Variants in HTT observed in about 807,000 individuals in gnomAD.
The protein encoded by HTT is huntington disease protein.
A neutral mutation model predicts 362.3 loss-of-function variants in HTT; 104 were observed. The observed-to-expected ratio is 0.29, with a 90% CI of 0.24 to 0.34. The LOEUF (loss-of-function observed/expected upper bound fraction) is 0.34, where lower values mean the gene tolerates loss of function less well. HTT is among the 10% of genes least tolerant of loss of function. The probability of loss-of-function intolerance (pLI) is 1.00; values close to 1 mark genes in which losing one functional copy is unlikely to be tolerated. For synonymous variants in HTT, 1,577 were observed against 1,548.7 expected, an observed-to-expected ratio of 1.02 and a Z score of -0.43; for missense variants, 3,301 against 3,928.6, an observed-to-expected ratio of 0.84 and a Z score of 4.27.
chr4:3,119,273 A>G (rs1391112563), intron 8 of HTT, among the ~76,000 whole-genome samples: 1 of 152,194 alleles, frequency 6.6e-6, no homozygotes. Context: ...AGAAAAAGGC[A>G]ATTAGTAACC....
chr4:3,213,770 A>G (rs1720269397), intron 49 of HTT, among the ~76,000 whole-genome samples, 188 bp from the exon 50 acceptor site: 1 of 152,164 alleles, frequency 6.6e-6, no homozygotes, highest in South Asian at 2.1e-4. Flanking sequence ...GGGGACTGGC[A>G]CTTTGGGGAA....
At chr4:3,111,543 C>T (rs1423145946) in intron 6 of HTT, among the ~76,000 whole-genome samples, 1 of 152,162 alleles carries the variant, frequency 6.6e-6, no homozygotes, top group Non-Finnish European at 1.5e-5. Flanking sequence ...GCTAGTATCC[C>T]TGGAAGGAAA....
chr4:3,192,977 TGAA>T (rs763492524), intron 40 of HTT, among the ~76,000 whole-genome samples: 29 of 152,196 alleles, frequency 1.9e-4, no homozygotes, highest in Non-Finnish European at 3.4e-4. Context: ...ATATTTCCTA[TGAA>T]GAAGAACAGT....
chr4:3,127,213 A>G (rs750307132), intron 11 of HTT, 51 bp from the exon 12 acceptor site: 25 of 1,352,382 alleles, frequency 1.8e-5, no homozygotes, highest in African/African-American at 1.7e-4. Context: ...GTGATTCCCT[A>G]TTGAATGTTT....
chr4:3,108,063 C>G (rs1193943659), intron 6 of HTT, among the ~76,000 whole-genome samples: 1 of 152,182 alleles, frequency 6.6e-6, no homozygotes, highest in Non-Finnish European at 1.5e-5. Flanking sequence ...TTATTTTCCT[C>G]TAGGCAAACT....
Position 3,121,592 on chromosome 4 carries a change from TG to T in HTT, c.1273+163del. Reference sequence around the variant, plus strand: ...ATCTTTATTTTATAAATAGGGGAGTTGGGCTGGGTGTGGTGGCTCACGCCTG... The same window carrying T: ...ATCTTTATTTTATAAATAGGGGAGTTGGCTGGGTGTGGTGGCTCACGCCTG... On this transcript the variant is annotated intron_variant, in intron 9 of 66. Transcript: ENST00000355072. 7 of 575,222 alleles carry T rather than the reference TG, an allele frequency of 1.2e-5. No homozygotes were observed. The South Asian group carries it at 1.2e-4, about 10-fold the overall frequency. 35.6% of individuals were successfully genotyped at this position (575,222 alleles called of 1,614,324 possible). A position where few individuals can be genotyped will look rare whatever the true frequency, so the allele number is the denominator to read the frequency against.
At chr4:3,150,916 A>G (rs536667277) in intron 26 of HTT, among the ~76,000 whole-genome samples, 104 of 152,264 alleles carry the variant, frequency 6.8e-4, no homozygotes, top group Non-Finnish European at 9.7e-4. Flanking sequence ...GCGGGCGCCC[A>G]TAGTCCCAGC....
intron 8 of HTT, among the ~76,000 whole-genome samples, chr4:3,116,511 A>G (rs1416680164): frequency 6.6e-6 from 1 of 152,072 alleles, no homozygotes; most frequent in Non-Finnish European, 1.5e-5. Context: ...GACCACTGCT[A>G]CCCTGTTTCT....
At chr4:3,080,361 C>T (rs1206977398) in intron 1 of HTT, among the ~76,000 whole-genome samples, 1 of 151,040 alleles carries the variant, frequency 6.6e-6, no homozygotes, top group South Asian at 2.1e-4. Flanking sequence ...TGCCAAAGTG[C>T]TGGGATTACA....
rs926875978 is a variant in HTT at position 3,233,780 on chromosome 4, C to T, written c.8456+427C>T. On this transcript the variant is annotated intron_variant, in intron 61 of 66. Coordinates refer to ENST00000355072, the MANE Select transcript of HTT (RefSeq NM_001388492.1). ...CTCACCTTATCTTAAAGCTGCTGGA[C>T]GGCAGGTTCTGTACACACGTGTCCT... Among the ~76,000 whole-genome samples the T allele has an allele frequency of 9.9e-5, 15 of 152,240 alleles. No individual in the cohort carries two copies. In the South Asian group the frequency reaches 2.7e-3, roughly 27 times the overall value.
chr4:3,198,732 T>A (rs1719384470), intron 40 of HTT, among the ~76,000 whole-genome samples: 1 of 152,248 alleles, frequency 6.6e-6, no homozygotes, highest in African/African-American at 2.4e-5. Flanking sequence ...TCATGATTCC[T>A]GGAGCCCTGA....
chr4:3,146,884 T>G lies in HTT; in HGVS notation c.3231T>G (p.Ala1077=). 13 of 1,614,196 alleles carry G rather than the reference T, an allele frequency of 8.1e-6. No homozygotes were observed. The highest frequency in any genetic ancestry group is 1.1e-5 in the Non-Finnish European group (13 of 1,179,992). ...ATMILTLLSS[A]WFPLDLSAHQ... is the part of the protein sequence containing the mutation. ...TGATTCTGACCCTGCTCTCGTCAGC[T>G]TGGTTCCCATTGGATCTCTCAGCCC... is the stretch of plus-strand genomic sequence containing the variant. The change falls in exon 25 of 67, where the codon GCT becomes GCG. Residue 1077 remains alanine, a synonymous_variant. Transcript: ENST00000355072.
At chr4:3,086,817 T>C (rs1713232411) in intron 1 of HTT, 122 bp from the exon 2 acceptor site, 2 of 566,360 alleles carry the variant, frequency 3.5e-6, no homozygotes, top group East Asian at 2.9e-5. Flanking sequence ...GCCCGCAACA[T>C]GGAGTATAAC....
chr4:3,126,861 A>G (rs1715543267), intron 11 of HTT, among the ~76,000 whole-genome samples: 1 of 152,208 alleles, frequency 6.6e-6, no homozygotes, highest in South Asian at 2.1e-4. Context: ...ATGAGTTGAC[A>G]GTTGTTTCTG....
At chr4:3,187,553 T>TA (rs1266482626) in intron 38 of HTT, 98 bp from the exon 39 acceptor site, 3 of 812,358 alleles carry the variant, frequency 3.7e-6, no homozygotes, top group Non-Finnish European at 6.2e-6. Context: ...GGTAGGATAG[T>TA]AAAATAGGAG....
At chr4:3,203,515 G>C (rs1719687796) in intron 41 of HTT, among the ~76,000 whole-genome samples, 1 of 152,220 alleles carries the variant, frequency 6.6e-6, no homozygotes, top group Non-Finnish European at 1.5e-5. Context: ...ACCTGTGTTA[G>C]TGGGGAAGAA....
intron 10 of HTT, among the ~76,000 whole-genome samples, chr4:3,125,004 A>T (rs1386823437): frequency 6.6e-6 from 1 of 152,204 alleles, no homozygotes; most frequent in Non-Finnish European, 1.5e-5. Context: ...AATAAAATGT[A>T]TTTTTAGAAC....
rs534621508 is a variant in HTT, at chr4:3,217,356, A to G, written c.7055-409A>G. The stretch of plus-strand genomic sequence containing the variant: ...GAAAGCCAGTGAAGCAAGGATGACA[A>G]CATGGCCCTTTGATACTAGCTGAGG... On this transcript the variant is annotated intron_variant, in intron 51 of 66. Transcript: ENST00000355072. 1.8e-4 allele frequency among the ~76,000 whole-genome samples: 27 copies of G among 152,318 alleles called. 1 individual carries two copies. The highest frequency in any genetic ancestry group is 6.5e-4 in the African/African-American group (27 of 41,568).
chr4:3,238,901 G>A lies in HTT; in HGVS notation c.9138G>A (p.Arg3046=). The change falls in exon 66 of 67, where the codon AGG becomes AGA. Residue 3046 remains arginine, a synonymous_variant. Transcript: ENST00000355072. ...TGTCCCTCTCCAACTTCACGCAGAG[G>A]GCCCCGGTCGCCATGGCCACGTGGA... ...VMLSLSNFTQ[R]APVAMATWSL... 1 of 1,611,808 alleles carries A rather than the reference G, an allele frequency of 6.2e-7. No individual in the cohort carries two copies. Among genetic ancestry groups the A allele is most frequent in the Non-Finnish European group, 8.5e-7 (1 of 1,179,626 alleles).
Sources: gnomAD v4.1 joint callset for allele counts (sites outside exome capture counted in the v4.1 genomes callset) on GRCh38, gnomAD v4.1.1 for gene constraint, MANE v1.5 for transcripts, NCBI Gene and HGNC (gene_info 2026-07-23, HGNC 2026-07-21) for gene names.